Variants in MTHFD1L observed in about 807,000 individuals in gnomAD.
The protein encoded by MTHFD1L is methylenetetrahydrofolate dehydrogenase (NADP+ dependent) 1 like.
Under a neutral mutation model 119.5 loss-of-function variants are expected in MTHFD1L, and 81 were observed. That is an observed-to-expected ratio of 0.68 (90% confidence interval 0.57 to 0.82). MTHFD1L has a LOEUF of 0.82. Among genes scored for constraint, MTHFD1L ranks in the 40% least tolerant of loss-of-function variants. The pLI, the probability that MTHFD1L is intolerant of heterozygous loss-of-function variation, is 0.00. For synonymous variants in MTHFD1L, 430 were observed against 475.2 expected (o/e 0.90, Z 1.24); for missense variants, 1,125 against 1,253.4 (o/e 0.90, Z 1.55).
chr6:150,960,284 G>A lies in MTHFD1L; in HGVS notation c.1813G>A (p.Asp605Asn). The A allele has an allele frequency of 1.2e-6, 2 of 1,612,968 alleles. No homozygotes were observed. The change falls in exon 18 of 28, where the codon GAC (aspartate) becomes AAC (asparagine). Residue 605 changes from aspartate to asparagine, a missense_variant. By Grantham distance (23) the Asp-to-Asn change is conservative. This residue lies in a region of MTHFD1L where 1,058 missense variants were observed against 1,151.2 expected (regional missense o/e 0.92). Coordinates refer to ENST00000367321, the MANE Select transcript of MTHFD1L (RefSeq NM_015440.5). ...GTTTGGGCTGGTTCAGGCGCAGTTT[G>A]ACATCGCAGTGGCCAGCGAGATCAT... ...EKGHYRQAQF[D>N]IAVASEIMAV...
At chr6:150,934,099 T>C (rs1791639322) in intron 11 of MTHFD1L, among the ~76,000 whole-genome samples, 1 of 152,216 alleles carries the variant, frequency 6.6e-6, no homozygotes, top group South Asian at 2.1e-4. Context: ...TTTCCATCCA[T>C]GGAGAACCTG....
chr6:151,018,462 T>TAAGA (rs1339512638), intron 24 of MTHFD1L, among the ~76,000 whole-genome samples: 1 of 152,222 alleles, frequency 6.6e-6, no homozygotes, highest in Non-Finnish European at 1.5e-5. Flanking sequence ...GTTCACCTCT[T>TAAGA]TGGTCCTAAC....
rs763668586 is a variant in MTHFD1L at position 150,887,886 on chromosome 6, C to T, written c.685C>T (p.His229Tyr). The change falls in exon 7 of 28, where the codon CAT (histidine) becomes TAT (tyrosine). Residue 229 changes from histidine (H) to tyrosine (Y), a missense_variant. Physicochemically the swap from His to Tyr is moderately conservative, Grantham distance 83. This residue lies in a region of MTHFD1L where 1,058 missense variants were observed against 1,151.2 expected (regional missense o/e 0.92). Coordinates refer to ENST00000367321, the MANE Select transcript of MTHFD1L (RefSeq NM_015440.5). Reference protein sequence around the residue: ...DGKKILVVGAHGSLEAALQCL... With the variant: ...DGKKILVVGAYGSLEAALQCL... Reference sequence around the variant, plus strand: ...AAAGAAGATTTTGGTAGTGGGGGCCCATGGGTCTTTGGAAGCTGCTCTACA... The same window carrying T: ...AAAGAAGATTTTGGTAGTGGGGGCCTATGGGTCTTTGGAAGCTGCTCTACA... 1 of 1,608,810 alleles carries T rather than the reference C, an allele frequency of 6.2e-7. No individual in the cohort carries two copies. The highest frequency in any genetic ancestry group is 8.5e-7 in the Non-Finnish European group (1 of 1,177,930).
intron 26 of MTHFD1L, among the ~76,000 whole-genome samples, chr6:151,052,912 A>C (rs1181122203): frequency 6.6e-6 from 1 of 152,230 alleles, no homozygotes; most frequent in African/African-American, 2.4e-5. Flanking sequence ...CAGAAGAGGT[A>C]GCTCCAGGCT....
rs576393643 is a variant in MTHFD1L at position 150,921,871 on chromosome 6, A to G, written c.985-334A>G. Among the ~76,000 whole-genome samples, 5 of 152,348 alleles carry G rather than the reference A, an allele frequency of 3.3e-5. No individual in the cohort carries two copies. The South Asian group carries it at 1.0e-3, about 32-fold the overall frequency. ...TTCATTGCTGTAAGTATGAAGAGCTAATAGTCTGCAAGGGAACTATAGAAT... is the reference window on the plus strand; with the variant it reads ...TTCATTGCTGTAAGTATGAAGAGCTGATAGTCTGCAAGGGAACTATAGAAT... On this transcript the variant is annotated intron_variant, in intron 9 of 27. Coordinates refer to ENST00000367321, the MANE Select transcript of MTHFD1L (RefSeq NM_015440.5).
chr6:151,046,261 T>C (rs73780394), intron 26 of MTHFD1L, among the ~76,000 whole-genome samples: 1 of 151,886 alleles, frequency 6.6e-6, no homozygotes, highest in Admixed American at 6.6e-5. Flanking sequence ...TTAGTTCTGA[T>C]TTTTTACTCT....
At chr6:151,062,679 T>C (rs543200920) in intron 26 of MTHFD1L, among the ~76,000 whole-genome samples, 2 of 152,196 alleles carry the variant, frequency 1.3e-5, no homozygotes, top group Non-Finnish European at 2.9e-5. Context: ...TAAATCAAAC[T>C]CAAAACAAGT....
intron 18 of MTHFD1L, among the ~76,000 whole-genome samples, chr6:150,960,701 G>T (rs1283915431): frequency 6.6e-6 from 1 of 152,022 alleles, no homozygotes; most frequent in Non-Finnish European, 1.5e-5. Flanking sequence ...GCCTGGGCTG[G>T]GGAGGAGTCA....
chr6:151,084,272 C>T (rs1028913981), intron 26 of MTHFD1L, among the ~76,000 whole-genome samples: 6 of 152,170 alleles, frequency 3.9e-5, no homozygotes, highest in African/African-American at 1.4e-4. Context: ...GGATATTTGG[C>T]CCGGAACTGC....
intron 27 of MTHFD1L, chr6:151,099,697 A>G: frequency 6.8e-6 from 11 of 1,609,980 alleles, no homozygotes; most frequent in Middle Eastern, 1.7e-4. Flanking sequence ...GATGCCCAAC[A>G]CTGGTTATGG....
intron 8 of MTHFD1L, among the ~76,000 whole-genome samples, chr6:150,910,095 C>T (rs1180489485): frequency 1.3e-5 from 2 of 151,756 alleles, no homozygotes; most frequent in Admixed American, 6.6e-5. Flanking sequence ...GCAGGAGAAT[C>T]GCTTGAATCC....
chr6:150,917,568 G>A (rs1258163529), intron 8 of MTHFD1L, among the ~76,000 whole-genome samples: 1 of 152,094 alleles, frequency 6.6e-6, no homozygotes, highest in African/African-American at 2.4e-5. Flanking sequence ...CTAAAGGTTA[G>A]GATATGAAGT....
chr6:150,954,435 C>G (rs1795306166), intron 16 of MTHFD1L, among the ~76,000 whole-genome samples: 1 of 152,004 alleles, frequency 6.6e-6, no homozygotes, highest in Admixed American at 6.5e-5. Context: ...CGCCAGTTAT[C>G]CCAGCACTTT....
chr6:151,038,182 AG>A (rs1194107525), intron 26 of MTHFD1L, among the ~76,000 whole-genome samples: 2 of 152,182 alleles, frequency 1.3e-5, no homozygotes, highest in African/African-American at 4.8e-5. Context: ...AATAGCACAG[AG>A]GTATCTGGAG....
At chr6:150,995,743 C>T (rs531626272) in intron 20 of MTHFD1L, among the ~76,000 whole-genome samples, 28 of 151,908 alleles carry the variant, frequency 1.8e-4, no homozygotes, top group South Asian at 6.2e-4. Context: ...CTCGACTCAC[C>T]GCAACCTCCG....
At chr6:150,907,436 AAACC>A (rs1786117030) in intron 8 of MTHFD1L, among the ~76,000 whole-genome samples, 6 of 152,346 alleles carry the variant, frequency 3.9e-5, no homozygotes, top group African/African-American at 1.4e-4. Context: ...ATGCACAGAT[AAACC>A]CATCAGAAGT....
At chr6:150,905,986 A>C (rs188145777) in intron 8 of MTHFD1L, among the ~76,000 whole-genome samples, 1 of 152,338 alleles carries the variant, frequency 6.6e-6, no homozygotes, top group African/African-American at 2.4e-5. Context: ...AGTGCCCCCT[A>C]CTGGCCTCTA....
intron 11 of MTHFD1L, among the ~76,000 whole-genome samples, chr6:150,927,892 C>A (rs1790317130): frequency 6.6e-6 from 1 of 152,116 alleles, no homozygotes; most frequent in Non-Finnish European, 1.5e-5. Flanking sequence ...CCTGGTAGTT[C>A]TGAGTGTTTC....
intron 8 of MTHFD1L, chr6:150,912,729 G>A: frequency 2.0e-6 from 1 of 510,612 alleles, no homozygotes; most frequent in South Asian, 1.5e-5. Flanking sequence ...CTTGTCCCTG[G>A]AGAAATCATG....
Sources: allele counts gnomAD v4.1 joint callset (sites outside exome capture counted in the v4.1 genomes callset), GRCh38; gene constraint gnomAD v4.1.1; regional missense constraint gnomAD v4.1.1; transcripts MANE v1.5; gene names NCBI Gene and HGNC (gene_info 2026-07-23, HGNC 2026-07-21).